Variants in UBE2W observed in about 807,000 individuals in gnomAD.
UBE2W encodes the protein ubiquitin-conjugating enzyme E2 W.
UBE2W carries 18 observed loss-of-function variants against 27.2 expected under a neutral mutation model. The observed-to-expected ratio is 0.66, with a 90% CI of 0.46 to 0.98. The LOEUF is 0.98. UBE2W is among the 50% of genes least tolerant of loss of function. The probability of loss-of-function intolerance (pLI) is 0.00; values close to 1 mark genes in which losing one functional copy is unlikely to be tolerated. For missense variants in UBE2W, 90 were observed against 180.2 expected, an observed-to-expected ratio of 0.50 and a Z score of 2.87; for synonymous variants, 53 against 57.2, an observed-to-expected ratio of 0.93 and a Z score of 0.33.
At chr8:73,856,950 G>A (rs765694751) in intron 1 of UBE2W, among the ~76,000 whole-genome samples, 6 of 151,996 alleles carry the variant, frequency 3.9e-5, no homozygotes, top group Non-Finnish European at 7.4e-5. Flanking sequence ...CAAGTGATCC[G>A]CCCACCTTGG....
chr8:73,856,998 T>C (rs138087789), intron 1 of UBE2W, among the ~76,000 whole-genome samples: 6 of 152,326 alleles, frequency 3.9e-5, no homozygotes, highest in South Asian at 2.1e-4. Context: ...TGAGCCACCA[T>C]GCCCAGCCTA....
intron 4 of UBE2W, among the ~76,000 whole-genome samples, chr8:73,808,083 T>C (rs1030463741): frequency 1.3e-5 from 2 of 152,174 alleles, no homozygotes; most frequent in Admixed American, 1.3e-4. Flanking sequence ...GAAATTGGAA[T>C]AGAAGAATTA....
intron 1 of UBE2W, among the ~76,000 whole-genome samples, chr8:73,862,983 C>A (rs1811590617): frequency 8.6e-6 from 1 of 116,554 alleles, no homozygotes; most frequent in Non-Finnish European, 1.7e-5. Flanking sequence ...GTTGGTGGGA[C>A]TGTAAACTAG....
rs556260786 is a variant in UBE2W at position 73,814,949 on chromosome 8, T to G, written c.211-4320A>C. 2.4e-4 allele frequency among the ~76,000 whole-genome samples: 36 copies of G among 152,324 alleles called. No individual in the cohort carries two copies. In the South Asian group the frequency reaches 6.0e-3, roughly 25 times the overall value. On this transcript the variant is annotated intron_variant, in intron 3 of 5. Coordinates refer to ENST00000602593, the MANE Select transcript of UBE2W (RefSeq NM_018299.6). Reference sequence around the variant, plus strand: ...ATGTATCATTTTGGAGATAAGTATGTTTATCCCACAACCAACCTGAAATTT... The same window carrying G: ...ATGTATCATTTTGGAGATAAGTATGGTTATCCCACAACCAACCTGAAATTT...
intron 4 of UBE2W, among the ~76,000 whole-genome samples, chr8:73,807,225 A>G (rs1454785931): frequency 3.3e-5 from 5 of 152,222 alleles, no homozygotes; most frequent in African/African-American, 4.8e-5. Context: ...TATAGTGTAT[A>G]TGCAGGATTT....
chr8:73,872,257 T>C (rs1242045678), intron 1 of UBE2W, among the ~76,000 whole-genome samples: 1 of 152,210 alleles, frequency 6.6e-6, no homozygotes, highest in African/African-American at 2.4e-5. Context: ...CTACCGTAAA[T>C]ATTTGTCCAT....
intron 1 of UBE2W, among the ~76,000 whole-genome samples, chr8:73,866,199 G>T (rs1213180258): frequency 6.7e-6 from 1 of 149,058 alleles, no homozygotes; most frequent in Non-Finnish European, 1.5e-5. Context: ...TGAACCCGGG[G>T]GGTGGAGGTT....
At chr8:73,811,495 T>A (rs915164036) in intron 3 of UBE2W, among the ~76,000 whole-genome samples, 4 of 152,206 alleles carry the variant, frequency 2.6e-5, no homozygotes, top group African/African-American at 9.6e-5. Context: ...AGAAGTCTTA[T>A]GTTTACACTG....
intron 1 of UBE2W, among the ~76,000 whole-genome samples, chr8:73,852,941 G>GT (rs539353703): frequency 9.3e-4 from 142 of 152,292 alleles, no homozygotes; most frequent in African/African-American, 3.2e-3. Context: ...GTTAGGTGCT[G>GT]TAAGGGATAT....
In UBE2W at chr8:73,787,728, T is replaced by C; in HGVS notation, c.*6374A>G. 1.0e-6 allele frequency: 1 copy of C among 985,430 alleles called. No individual in the cohort carries two copies. Among genetic ancestry groups the C allele is most frequent in the Non-Finnish European group, 1.2e-6 (1 of 829,918 alleles). 61.0% of individuals were successfully genotyped at this position (985,430 alleles called of 1,614,324 possible). ...TTCAAGAGTCACTCATTTAAGTCAT[T>C]AGTTGATCTGTTTGTATACTCCAGA... On this transcript the variant is annotated 3_prime_UTR_variant, in exon 6 of 6. Coordinates refer to ENST00000602593, the MANE Select transcript of UBE2W (RefSeq NM_018299.6).
chr8:73,780,378 C>G, exon 5 of UBE2W: 1 of 406,672 alleles, frequency 2.5e-6, no homozygotes, highest in Non-Finnish European at 4.9e-6. Flanking sequence ...GGTATAACCT[C>G]ACCTCAACTA....
chr8:73,780,876 C>T (rs1278576584), intron 4 of UBE2W, among the ~76,000 whole-genome samples: 1 of 152,178 alleles, frequency 6.6e-6, no homozygotes, highest in Non-Finnish European at 1.5e-5. Context: ...CAATGATTTT[C>T]TGAGTTAGGT....
chr8:73,791,812 A>T lies in UBE2W; in HGVS notation c.*2290T>A, dbSNP rs150741149. The T allele has an allele frequency of 2.3e-4, 225 of 984,528 alleles. 1 individual carries two copies. In the African/African-American group the frequency reaches 3.7e-3, roughly 16 times the overall value. The allele number at this position is 984,528 out of a possible 1,614,324, so 61.0% of individuals were successfully genotyped here. On this transcript the variant is annotated 3_prime_UTR_variant, in exon 6 of 6. Transcript: ENST00000602593. The stretch of plus-strand genomic sequence containing the variant: ...CCATAAGATGTACCGAAATTATTTC[A>T]TTTTCCTCTACTTTCCTCTGTGTCA...
chr8:73,858,177 A>G (rs1327945126), intron 1 of UBE2W, among the ~76,000 whole-genome samples: 4 of 152,276 alleles, frequency 2.6e-5, no homozygotes, highest in East Asian at 3.9e-4. Flanking sequence ...CCTGGCCAAC[A>G]TGGTGAAACC....
chr8:73,785,309 CT>C (rs1027379288), downstream of UBE2W, among the ~76,000 whole-genome samples: 1 of 151,956 alleles, frequency 6.6e-6, no homozygotes, highest in Non-Finnish European at 1.5e-5. Flanking sequence ...CCATGCCCAG[CT>C]TTTTTGTATT....
At position 73,792,439 on chromosome 8, in the gene UBE2W, T is replaced by C. The variant is rs1324079607; in HGVS notation, c.*1663A>G. The C allele has an allele frequency of 3.0e-6, 3 of 985,744 alleles. No individual in the cohort carries two copies. Among genetic ancestry groups the C allele is most frequent in the Non-Finnish European group, 3.6e-6 (3 of 829,822 alleles). The allele number at this position is 985,744 out of a possible 1,614,324, so 61.1% of individuals were successfully genotyped here. A position where few individuals can be genotyped will look rare whatever the true frequency, so the allele number is the denominator to read the frequency against. The stretch of plus-strand genomic sequence containing the variant: ...CAATTATACTTTGAGTGTAAAATTA[T>C]ATGCCCTTAATTAACAACATGTACA... On this transcript the variant is annotated 3_prime_UTR_variant, in exon 6 of 6. Coordinates refer to ENST00000602593, the MANE Select transcript of UBE2W (RefSeq NM_018299.6).
At chr8:73,857,754 T>G (rs1401842377) in intron 1 of UBE2W, among the ~76,000 whole-genome samples, 1 of 151,986 alleles carries the variant, frequency 6.6e-6, no homozygotes, top group African/African-American at 2.4e-5. Flanking sequence ...AGGTGGAGGT[T>G]GCAGTGAGCC....
chr8:73,799,365 G>A (rs1342543882), intron 5 of UBE2W, among the ~76,000 whole-genome samples: 1 of 151,992 alleles, frequency 6.6e-6, no homozygotes, highest in Non-Finnish European at 1.5e-5. Flanking sequence ...AGCTGAGAGA[G>A]GTCTCTTCCA....
In UBE2W at chr8:73,876,066, GAAC is replaced by G. The variant is rs144145618; in HGVS notation, c.15+2739_15+2741del. Among the ~76,000 whole-genome samples, 317 of 151,994 alleles carry G rather than the reference GAAC, an allele frequency of 2.1e-3. 3 individuals are homozygous for G. In the East Asian group the frequency reaches 0.031, roughly 15 times the overall value. On this transcript the variant is annotated intron_variant, in intron 1 of 5. Coordinates refer to ENST00000602593, the MANE Select transcript of UBE2W (RefSeq NM_018299.6). ...GACTCCATCTCAACACAAAAAACAA[GAAC>G]AAAACACAATTAACTTAAATATGCT...
Sources: allele counts gnomAD v4.1 joint callset (sites outside exome capture counted in the v4.1 genomes callset), GRCh38; gene constraint gnomAD v4.1.1; transcripts MANE v1.5; gene names NCBI Gene and HGNC (gene_info 2026-07-23, HGNC 2026-07-21).